Variants in GRIA3 observed in about 807,000 individuals in gnomAD.
GRIA3 encodes glutamate ionotropic receptor AMPA type subunit 3, also known as glutamate receptor 3.
GRIA3 carries 3 observed loss-of-function variants against 63.0 expected under a neutral mutation model. The ratio of observed to expected loss-of-function variants is 0.05; its 90% CI spans 0.02 to 0.12. The LOEUF is 0.12. Among genes scored for constraint, GRIA3 ranks in the 10% least tolerant of loss-of-function variants. The pLI, the probability that GRIA3 is intolerant of heterozygous loss-of-function variation, is 1.00. For synonymous variants in GRIA3, 274 were observed against 257.9 expected (o/e 1.06, Z -0.60); for missense variants, 347 against 700.9 (o/e 0.50, Z 5.70).
chrX:123,295,849 G>A (rs775681775), intron 3 of GRIA3, among the ~76,000 whole-genome samples: 2 of 110,651 alleles, frequency 1.8e-5, no homozygotes, highest in Non-Finnish European at 3.8e-5. Flanking sequence ...TAGTCCAATT[G>A]CCTATACCTC....
At chrX:123,481,566 T>A (rs1476506064) in intron 14 of GRIA3, among the ~76,000 whole-genome samples, 2 of 112,448 alleles carry the variant, frequency 1.8e-5, no homozygotes, top group African/African-American at 6.5e-5. Flanking sequence ...GCAATGGCCA[T>A]CATCTGTCAC....
intron 2 of GRIA3, among the ~76,000 whole-genome samples, chrX:123,197,283 T>C (rs1927598409): frequency 8.9e-6 from 1 of 112,147 alleles, no homozygotes. Context: ...CCCAGCACTT[T>C]GGGAGACCAA....
chrX:123,413,282 T>G (rs1420031424), intron 10 of GRIA3, among the ~76,000 whole-genome samples: 1 of 110,569 alleles, frequency 9.0e-6, no homozygotes, highest in Non-Finnish European at 1.9e-5. Context: ...GTGAATGCCT[T>G]CTTATTTCTT....
chrX:123,207,417 A>C (rs768150990), intron 2 of GRIA3, among the ~76,000 whole-genome samples: 1 of 111,669 alleles, frequency 9.0e-6, no homozygotes, highest in Non-Finnish European at 1.9e-5. Context: ...GGGCACAAAG[A>C]AGTTAAGTCA....
intron 3 of GRIA3, among the ~76,000 whole-genome samples, chrX:123,271,325 C>A (rs2044520227): frequency 8.9e-6 from 1 of 112,088 alleles, no homozygotes; most frequent in African/African-American, 3.2e-5. Context: ...CACTTCCAAG[C>A]ACTTTCCCCA....
rs772791601 is a variant in GRIA3, at chrX:123,377,091, T to C, written c.751-17877T>C. Reference sequence around the variant, plus strand: ...CTGGGACTATAGGCGCCCGCCACCATGCCCGGCTAATTTTTTTTATATTTT... The same window carrying C: ...CTGGGACTATAGGCGCCCGCCACCACGCCCGGCTAATTTTTTTTATATTTT... On this transcript the variant is annotated intron_variant, in intron 5 of 15. Coordinates refer to ENST00000620443, the MANE Select transcript of GRIA3 (RefSeq NM_007325.5). Among the ~76,000 whole-genome samples, 191 of 109,740 alleles carry C rather than the reference T, an allele frequency of 1.7e-3. 1 individual carries two copies. Among genetic ancestry groups the C allele is most frequent in the African/African-American group, 4.9e-3 (148 of 30,246 alleles).
At chrX:123,209,463 C>A (rs182043081) in intron 2 of GRIA3, among the ~76,000 whole-genome samples, 2 of 111,489 alleles carry the variant, frequency 1.8e-5, no homozygotes, top group Admixed American at 1.9e-4. Context: ...TCTGCAGCCA[C>A]CAGTACAAAT....
At chrX:123,262,848 G>A (rs1470232567) in intron 3 of GRIA3, among the ~76,000 whole-genome samples, 1 of 111,137 alleles carries the variant, frequency 9.0e-6, no homozygotes, top group Non-Finnish European at 1.9e-5. Context: ...GCCTCCCCTA[G>A]CAATGACCTT....
intron 13 of GRIA3, among the ~76,000 whole-genome samples, chrX:123,471,248 C>T (rs1369003804): frequency 9.0e-6 from 1 of 111,570 alleles, no homozygotes; most frequent in Admixed American, 9.5e-5. Context: ...AGAACTGAAC[C>T]AGTCCAATGG....
chrX:123,410,453 C>T (rs974102478), intron 10 of GRIA3, among the ~76,000 whole-genome samples: 1 of 111,930 alleles, frequency 8.9e-6, no homozygotes, highest in African/African-American at 3.3e-5. Flanking sequence ...AGGTCATATT[C>T]CCTGGGTGTC....
chrX:123,226,568 G>A (rs1266520657), intron 2 of GRIA3, among the ~76,000 whole-genome samples: 1 of 111,295 alleles, frequency 9.0e-6, no homozygotes, highest in African/African-American at 3.3e-5. Context: ...TAAGGTGTTG[G>A]GGATCAGCTG....
At chrX:123,322,445 C>T (rs373441165) in intron 3 of GRIA3, among the ~76,000 whole-genome samples, 1 of 111,646 alleles carries the variant, frequency 9.0e-6, no homozygotes, top group African/African-American at 3.3e-5. Flanking sequence ...GAGTGGATGA[C>T]AATTCTGAAG....
intron 2 of GRIA3, among the ~76,000 whole-genome samples, chrX:123,187,548 G>T (rs1927312944): frequency 8.9e-6 from 1 of 112,077 alleles, no homozygotes. Context: ...CTGTGATCTT[G>T]TCAAGAGGCT....
intron 3 of GRIA3, among the ~76,000 whole-genome samples, chrX:123,283,269 G>A (rs2044597531): frequency 9.0e-6 from 1 of 111,683 alleles, no homozygotes; most frequent in South Asian, 3.8e-4. Context: ...AGATTCCCTC[G>A]GGTGCCTATG....
At chrX:123,402,903 T>C (rs1443555779) in intron 7 of GRIA3, 91 bp from the exon 8 acceptor site, 5 of 525,252 alleles carry the variant, frequency 9.5e-6, no homozygotes, top group African/African-American at 4.6e-5. Flanking sequence ...TTCTTCAAGA[T>C]TCCAAGATCT....
rs1366354631 is a variant in GRIA3 at position 123,463,550 on chromosome X, C to CGAAGGAAGGAAGGAAGGAAGGAAG, written c.2077-1309_2077-1286dup. On this transcript the variant is annotated intron_variant, in intron 12 of 15. Transcript: ENST00000620443. ...GGGTGACAGAGTGAGACGAAAGAAG[C>CGAAGGAAGGAAGGAAGGAAGGAAG]GAAGGAAGGAAGGAAGGAAGGAAGG... 4.8e-4 allele frequency among the ~76,000 whole-genome samples: 14 copies of CGAAGGAAGGAAGGAAGGAAGGAAG among 29,104 alleles called. 1 individual carries two copies. Among genetic ancestry groups the CGAAGGAAGGAAGGAAGGAAGGAAG allele is most frequent in the African/African-American group, 3.3e-3 (13 of 3,898 alleles). The allele number at this position is 29,104 out of a possible 115,157, so 25.3% of individuals were successfully genotyped here. A position where few individuals can be genotyped will look rare whatever the true frequency, so the allele number is the denominator to read the frequency against.
At chrX:123,227,730 G>A (rs1490656156) in intron 2 of GRIA3, among the ~76,000 whole-genome samples, 1 of 112,212 alleles carries the variant, frequency 8.9e-6, no homozygotes, top group Non-Finnish European at 1.9e-5. Flanking sequence ...AATTTGGGAG[G>A]CAGAGTATTA....
At chrX:123,234,168 C>T (rs995248204) in intron 2 of GRIA3, among the ~76,000 whole-genome samples, 1 of 111,219 alleles carries the variant, frequency 9.0e-6, no homozygotes, top group Non-Finnish European at 1.9e-5. Flanking sequence ...GATGCTACCA[C>T]CTGGTTGACA....
intron 5 of GRIA3, among the ~76,000 whole-genome samples, chrX:123,372,869 C>CT (rs1163468692): frequency 5.5e-4 from 58 of 106,043 alleles, no homozygotes; most frequent in African/African-American, 1.3e-3. Context: ...GTCTTTATTT[C>CT]TTTTTTTTTT....
Sources: allele counts gnomAD v4.1 joint callset (sites outside exome capture counted in the v4.1 genomes callset), GRCh38; gene constraint gnomAD v4.1.1; transcripts MANE v1.5; gene names NCBI Gene and HGNC (gene_info 2026-07-23, HGNC 2026-07-21).